Variants in FBXL17 observed in about 807,000 individuals in gnomAD.
The protein encoded by FBXL17 is F-box and leucine rich repeat protein 17.
In FBXL17, 22 loss-of-function variants were observed where a neutral mutation model predicts 66.2. The ratio of observed to expected loss-of-function variants is 0.33; its 90% CI spans 0.24 to 0.47. The LOEUF (loss-of-function observed/expected upper bound fraction) is 0.47, where lower values mean the gene tolerates loss of function less well. Among genes scored for constraint, FBXL17 ranks in the 20% least tolerant of loss-of-function variants. The pLI is 1.00. For missense variants in FBXL17, 878 were observed against 948.2 expected, an observed-to-expected ratio of 0.93 and a Z score of 0.97; for synonymous variants, 474 against 400.5, an observed-to-expected ratio of 1.18 and a Z score of -2.19.
chr5:108,222,703 C>G (rs1478342606), intron 5 of FBXL17, among the ~76,000 whole-genome samples: 2 of 121,764 alleles, frequency 1.6e-5, no homozygotes, highest in Admixed American at 1.1e-4. Context: ...GAGACAGAGT[C>G]TCATCTGTCG....
chr5:108,315,084 G>A (rs1759299045), intron 4 of FBXL17, among the ~76,000 whole-genome samples: 2 of 150,632 alleles, frequency 1.3e-5, no homozygotes, highest in Non-Finnish European at 3.0e-5. Flanking sequence ...TAAATTACCA[G>A]AGTTTAAAAA....
chr5:108,020,989 G>A lies in FBXL17; in HGVS notation c.1758C>T (p.Val586=). 1 of 1,609,922 alleles carries A rather than the reference G, an allele frequency of 6.2e-7. No homozygotes were observed. The highest frequency in any genetic ancestry group is 8.5e-7 in the Non-Finnish European group (1 of 1,176,966). ...NWIINDRCVE[V]IAKEGQNLKE... ...TCAGGTTTTGTCCTTCCTTTGCAAT[G>A]ACCTCCACACACCTGAAACATACAA... Residue 586 remains valine (V), a synonymous_variant, in exon 7 of 9, where the codon GTC becomes GTT. Coordinates refer to ENST00000542267, the MANE Select transcript of FBXL17 (RefSeq NM_001163315.3).
At chr5:108,165,761 A>C (rs1229399147) in intron 6 of FBXL17, among the ~76,000 whole-genome samples, 1 of 152,198 alleles carries the variant, frequency 6.6e-6, no homozygotes, top group Non-Finnish European at 1.5e-5. Flanking sequence ...TAAAATTTTC[A>C]AAAAGAGCAT....
At chr5:107,996,647 G>A (rs767849694) in intron 7 of FBXL17, among the ~76,000 whole-genome samples, 3 of 152,086 alleles carry the variant, frequency 2.0e-5, no homozygotes, top group African/African-American at 7.2e-5. Flanking sequence ...TATAAGAAAT[G>A]TTTTACAAGT....
intron 5 of FBXL17, among the ~76,000 whole-genome samples, chr5:108,210,733 A>T (rs560094146): frequency 6.6e-6 from 1 of 152,292 alleles, no homozygotes; most frequent in East Asian, 1.9e-4. Context: ...ACTTCCAATT[A>T]CGTGGTCAAT....
chr5:107,878,853 C>T, intron 8 of FBXL17: 2 of 985,496 alleles, frequency 2.0e-6, no homozygotes, highest in Non-Finnish European at 2.4e-6. Context: ...AAGGCTGGGT[C>T]CAGCATCTCC....
intron 7 of FBXL17, among the ~76,000 whole-genome samples, chr5:108,007,646 G>A (rs537846767): frequency 1.5e-3 from 226 of 152,218 alleles, no homozygotes; most frequent in Middle Eastern, 6.8e-3. Context: ...GTTAAATGCC[G>A]AGTATACGGT....
chr5:107,993,446 T>C (rs2112698140), intron 7 of FBXL17, among the ~76,000 whole-genome samples: 1 of 152,318 alleles, frequency 6.6e-6, no homozygotes, highest in East Asian at 1.9e-4. Context: ...AAATATGTTC[T>C]AAGCAAAGCT....
At chr5:108,135,902 T>G (rs892791844) in intron 6 of FBXL17, among the ~76,000 whole-genome samples, 1 of 152,114 alleles carries the variant, frequency 6.6e-6, no homozygotes, top group Admixed American at 6.6e-5. Flanking sequence ...TTCTAAAATA[T>G]TCATCTCTTC....
chr5:108,109,754 T>C (rs1443054389), intron 6 of FBXL17, among the ~76,000 whole-genome samples: 2 of 152,146 alleles, frequency 1.3e-5, no homozygotes, highest in African/African-American at 4.8e-5. Flanking sequence ...TTTAATTACA[T>C]TATTGCATTA....
In FBXL17 at chr5:107,904,498, C is replaced by T. The variant is rs147956208; in HGVS notation, c.1823-23319G>A. 3.6e-3 allele frequency among the ~76,000 whole-genome samples: 552 copies of T among 152,248 alleles called. 20 individuals carry two copies. Among genetic ancestry groups the T allele is most frequent in the Admixed American group, 0.03 (457 of 15,266 alleles). On this transcript the variant is annotated intron_variant, in intron 7 of 8. Coordinates refer to ENST00000542267, the MANE Select transcript of FBXL17 (RefSeq NM_001163315.3). ...TTCTTAGAAAGGAAACTTTCTGTTA[C>T]ATCATCTGATATATAACTATATCTA... is the stretch of plus-strand genomic sequence containing the variant.
At chr5:108,298,258 T>A (rs1438894196) in intron 4 of FBXL17, 2 of 984,594 alleles carry the variant, frequency 2.0e-6, no homozygotes, top group East Asian at 2.3e-4. Flanking sequence ...TCTTGCTACT[T>A]CTTACTACTA....
At chr5:108,328,460 G>T (rs1759964736) in intron 4 of FBXL17, among the ~76,000 whole-genome samples, 1 of 151,952 alleles carries the variant, frequency 6.6e-6, no homozygotes, top group African/African-American at 2.4e-5. Flanking sequence ...TCTTCTGATA[G>T]AAAACCATCA....
At chr5:107,926,416 A>G (rs1750525759) in intron 7 of FBXL17, among the ~76,000 whole-genome samples, 1 of 152,148 alleles carries the variant, frequency 6.6e-6, no homozygotes, top group Admixed American at 6.6e-5. Context: ...TATTACTTGC[A>G]TCTTCATTTT....
intron 6 of FBXL17, among the ~76,000 whole-genome samples, chr5:108,143,349 A>T (rs1403499488): frequency 6.8e-6 from 1 of 147,478 alleles, no homozygotes; most frequent in Non-Finnish European, 1.5e-5. Flanking sequence ...CAGCATTCTC[A>T]CACACACACA....
intron 6 of FBXL17, among the ~76,000 whole-genome samples, chr5:108,047,079 A>G (rs977316066): frequency 1.3e-5 from 2 of 152,226 alleles, no homozygotes; most frequent in Non-Finnish European, 2.9e-5. Flanking sequence ...AAAAAGAACC[A>G]TAATTAGCAT....
chr5:108,183,898 T>C (rs1753115144), intron 6 of FBXL17, among the ~76,000 whole-genome samples: 1 of 152,190 alleles, frequency 6.6e-6, no homozygotes, highest in Non-Finnish European at 1.5e-5. Flanking sequence ...ATATTTCATA[T>C]GGTGAATATT....
At chr5:108,347,808 T>C (rs919805908) in intron 4 of FBXL17, among the ~76,000 whole-genome samples, 1 of 152,150 alleles carries the variant, frequency 6.6e-6, no homozygotes, top group Admixed American at 6.5e-5. Flanking sequence ...TTGTACACTT[T>C]AAAAGGGTGA....
chr5:107,937,894 C>T (rs78659767), intron 7 of FBXL17, among the ~76,000 whole-genome samples: 1 of 152,266 alleles, frequency 6.6e-6, no homozygotes, highest in African/African-American at 2.4e-5. Context: ...TTTGAGTCGG[C>T]AGACAGGGTG....
Sources: allele counts gnomAD v4.1 joint callset (sites outside exome capture counted in the v4.1 genomes callset), GRCh38; gene constraint gnomAD v4.1.1; transcripts MANE v1.5; gene names NCBI Gene and HGNC (gene_info 2026-07-23, HGNC 2026-07-21).